The following MDFIC variants were observed in gnomAD, a reference collection of about 807,000 sequenced individuals.
MDFIC encodes MyoD family inhibitor domain containing, also known as myoD family inhibitor domain-containing protein.
In MDFIC, 17 loss-of-function variants were observed where a neutral mutation model predicts 23.2. That is an observed-to-expected ratio of 0.73 (90% CI 0.50 to 1.10). The LOEUF is 1.10. Among genes scored for constraint, MDFIC ranks in the 50% least tolerant of loss-of-function variants. MDFIC has a pLI of 0.00. For missense variants in MDFIC, 356 were observed against 316.6 expected (o/e 1.12, Z -0.95); for synonymous variants, 120 against 115.2 (o/e 1.04, Z -0.27).
intron 4 of MDFIC, among the ~76,000 whole-genome samples, chr7:114,987,106 C>G (rs1330249568): frequency 6.6e-6 from 1 of 152,080 alleles, no homozygotes; most frequent in African/African-American, 2.4e-5. Flanking sequence ...AAAAAGAGAC[C>G]CAGCAGAGGG....
At chr7:115,004,941 G>C (rs556529212) in intron 4 of MDFIC, among the ~76,000 whole-genome samples, 1 of 152,190 alleles carries the variant, frequency 6.6e-6, no homozygotes, top group East Asian at 1.9e-4. Flanking sequence ...GTACAGTATG[G>C]CTATTTGCTC....
intron 3 of MDFIC, among the ~76,000 whole-genome samples, chr7:114,959,859 AC>A (rs778166190): frequency 1.2e-4 from 18 of 146,992 alleles, no homozygotes; most frequent in Non-Finnish European, 2.6e-4. Flanking sequence ...TAATAATGGG[AC>A]TGGAGGAAAA....
intron 3 of MDFIC, among the ~76,000 whole-genome samples, chr7:114,972,576 C>CATTAATA (rs1793227234): frequency 6.6e-6 from 1 of 152,136 alleles, no homozygotes; most frequent in Non-Finnish European, 1.5e-5. Context: ...TATTATACCT[C>CATTAATA]ATTAATAATT....
chr7:115,019,118 A>T lies in MDFIC; in HGVS notation c.*3183A>T, dbSNP rs527555310. On this transcript the variant is annotated 3_prime_UTR_variant, in exon 5 of 5. Coordinates refer to ENST00000393486, the MANE Select transcript of MDFIC (RefSeq NM_001166345.3). Reference sequence around the variant, plus strand: ...TTTTACAATATATGCTGAGATTAAAAACCAAGGTAAAAATGATCAAACATA... The same window carrying T: ...TTTTACAATATATGCTGAGATTAAATACCAAGGTAAAAATGATCAAACATA... The T allele has an allele frequency of 2.4e-4, 36 of 152,108 alleles. No individual in the cohort carries two copies. Among genetic ancestry groups the T allele is most frequent in the African/African-American group, 8.7e-4 (36 of 41,554 alleles). The allele number at this position is 152,108 out of a possible 1,614,324, so 9.4% of individuals were successfully genotyped here. A position where few individuals can be genotyped will look rare whatever the true frequency, so the allele number is the denominator to read the frequency against.
At chr7:115,011,204 A>C (rs1241892201) in intron 4 of MDFIC, among the ~76,000 whole-genome samples, 1 of 152,192 alleles carries the variant, frequency 6.6e-6, no homozygotes. Context: ...ACCTTGGGAA[A>C]ATTTCCTAAA....
intron 3 of MDFIC, among the ~76,000 whole-genome samples, chr7:114,972,599 G>T (rs959467160): frequency 3.3e-5 from 5 of 151,998 alleles, no homozygotes; most frequent in Admixed American, 3.3e-4. Flanking sequence ...ACCCTGCATT[G>T]TAAAGATTGT....
intron 2 of MDFIC, among the ~76,000 whole-genome samples, chr7:114,938,919 A>T (rs1050799329): frequency 6.6e-6 from 1 of 152,182 alleles, no homozygotes; most frequent in Non-Finnish European, 1.5e-5. Context: ...CTGATAATAG[A>T]AATTGGTTAC....
intron 4 of MDFIC, among the ~76,000 whole-genome samples, chr7:114,993,494 A>T (rs761821307): frequency 6.6e-6 from 1 of 152,200 alleles, no homozygotes; most frequent in South Asian, 2.1e-4. Flanking sequence ...ATTTAGTGTT[A>T]TAAATTTCCC....
chr7:114,964,582 A>G (rs776185439), intron 3 of MDFIC, among the ~76,000 whole-genome samples: 10 of 133,668 alleles, frequency 7.5e-5, no homozygotes, highest in Non-Finnish European at 3.1e-5. Flanking sequence ...ACAGAACATC[A>G]CTCTGTTGCC....
At chr7:114,940,295 A>G (rs1792513732) in intron 2 of MDFIC, among the ~76,000 whole-genome samples, 1 of 152,184 alleles carries the variant, frequency 6.6e-6, no homozygotes, top group Non-Finnish European at 1.5e-5. Flanking sequence ...CTCTATTTTT[A>G]TGTGTTGAAA....
chr7:114,956,343 A>G (rs1483529183), intron 3 of MDFIC, among the ~76,000 whole-genome samples: 1 of 132,562 alleles, frequency 7.5e-6, no homozygotes, highest in East Asian at 2.1e-4. Flanking sequence ...AATATTATAT[A>G]TATATACACA....
At chr7:114,981,460 C>T (rs567731441) in intron 4 of MDFIC, among the ~76,000 whole-genome samples, 1 of 152,200 alleles carries the variant, frequency 6.6e-6, no homozygotes, top group Non-Finnish European at 1.5e-5. Flanking sequence ...TCCTCTTTCT[C>T]TCCCTTCTCC....
In MDFIC at chr7:114,939,803, G is replaced by C. The variant is rs887740661; in HGVS notation, c.95-2472G>C. Reference sequence around the variant, plus strand: ...CTTGGTTTCACGAATTAATTTTAATGGAATTAAATTTGAACAGCTCAAAAT... The same window carrying C: ...CTTGGTTTCACGAATTAATTTTAATCGAATTAAATTTGAACAGCTCAAAAT... On this transcript the variant is annotated intron_variant, in intron 2 of 4. Transcript: ENST00000393486. Among the ~76,000 whole-genome samples the C allele has an allele frequency of 3.7e-4, 57 of 152,108 alleles. 2 individuals are homozygous for C. Among genetic ancestry groups the C allele is most frequent in the Non-Finnish European group, 8.8e-5 (6 of 68,026 alleles).
chr7:114,934,203 T>C (rs1395698104), intron 2 of MDFIC, among the ~76,000 whole-genome samples: 2 of 152,180 alleles, frequency 1.3e-5, no homozygotes, highest in Non-Finnish European at 2.9e-5. Context: ...TGCCTCAAGG[T>C]CAATCATCCT....
rs915161696 is a variant in MDFIC at position 115,016,934 on chromosome 7, G to A, written c.*999G>A. 3 of 152,158 alleles carry A rather than the reference G, an allele frequency of 2.0e-5. No individual in the cohort carries two copies. Among genetic ancestry groups the A allele is most frequent in the African/African-American group, 7.2e-5 (3 of 41,436 alleles). The allele number at this position is 152,158 out of a possible 1,614,324, so 9.4% of individuals were successfully genotyped here. A position where few individuals can be genotyped will look rare whatever the true frequency, so the allele number is the denominator to read the frequency against. The stretch of plus-strand genomic sequence containing the variant: ...CATACCACAAGGCATACTGAAGTGA[G>A]GATTATAAGAGAAATAAACTCAAAA... On this transcript the variant is annotated 3_prime_UTR_variant, in exon 5 of 5. Coordinates refer to ENST00000393486, the MANE Select transcript of MDFIC (RefSeq NM_001166345.3).
chr7:115,000,147 G>A (rs752880856), intron 4 of MDFIC, among the ~76,000 whole-genome samples: 6 of 151,990 alleles, frequency 3.9e-5, no homozygotes, highest in Non-Finnish European at 7.4e-5. Flanking sequence ...CATAAAATAA[G>A]AACACTGTAT....
intron 2 of MDFIC, among the ~76,000 whole-genome samples, chr7:114,939,174 C>G (rs907632919): frequency 9.9e-5 from 15 of 152,178 alleles, no homozygotes; most frequent in Admixed American, 7.9e-4. Context: ...AAATAACATG[C>G]ATATATTAGA....
At chr7:114,985,177 T>C (rs569825765) in intron 4 of MDFIC, among the ~76,000 whole-genome samples, 1 of 152,314 alleles carries the variant, frequency 6.6e-6, no homozygotes, top group African/African-American at 2.4e-5. Flanking sequence ...CAGCGTCTCA[T>C]CTCTAAAATG....
rs865827089 is a variant in MDFIC at position 114,999,619 on chromosome 7, T to C, written c.494-16069T>C. Among the ~76,000 whole-genome samples the C allele has an allele frequency of 6.0e-4, 91 of 152,156 alleles. 1 individual carries two copies. The highest frequency in any genetic ancestry group is 1.9e-3 in the African/African-American group (78 of 41,546). On this transcript the variant is annotated intron_variant, in intron 4 of 4. Transcript: ENST00000393486. ...TCAACTAGTATTTTGTAAAATAGTA[T>C]GGAAGGAACCTCATAGTTTAAAGTT...
Sources: gnomAD v4.1 joint callset for allele counts (sites outside exome capture counted in the v4.1 genomes callset) on GRCh38, gnomAD v4.1.1 for gene constraint, MANE v1.5 for transcripts, NCBI Gene and HGNC (gene_info 2026-07-23, HGNC 2026-07-21) for gene names.